The following TMEM63C variants were observed in gnomAD, a reference collection of about 807,000 sequenced individuals.
TMEM63C encodes the protein transmembrane protein 63C.
A neutral mutation model predicts 99.2 loss-of-function variants in TMEM63C; 32 were observed. That is an observed-to-expected ratio of 0.32 (90% CI 0.24 to 0.43). The LOEUF (loss-of-function observed/expected upper bound fraction) is 0.43, where lower values mean the gene tolerates loss of function less well. TMEM63C is among the 20% of genes least tolerant of loss of function. TMEM63C has a pLI of 1.00. For synonymous variants in TMEM63C, 376 were observed against 397.9 expected, an observed-to-expected ratio of 0.94 and a Z score of 0.66; for missense variants, 826 against 1,053.0, an observed-to-expected ratio of 0.78 and a Z score of 2.98.
intron 1 of TMEM63C, among the ~76,000 whole-genome samples, chr14:77,194,675 G>A (rs1555346158): frequency 6.6e-6 from 1 of 151,712 alleles, no homozygotes; most frequent in Non-Finnish European, 1.5e-5. Context: ...CTGGGTTTAA[G>A]TAATTCTCCC....
Position 77,245,921 on chromosome 14 carries a change from T to C in TMEM63C, c.1449-19T>C. On this transcript the variant is annotated intron_variant, in intron 16 of 23. Transcript: ENST00000298351. ...ATTAGGCCACGTCCATTGATGAATA[T>C]CTCTCTGTTTCCTTCTAGATCAAGT... is the stretch of plus-strand genomic sequence containing the variant. The C allele has an allele frequency of 2.5e-6, 4 of 1,597,238 alleles. No homozygotes were observed. The highest frequency in any genetic ancestry group is 3.4e-6 in the Non-Finnish European group (4 of 1,164,636).
At chr14:77,244,107 C>G (rs551397798) in intron 15 of TMEM63C, among the ~76,000 whole-genome samples, 5 of 152,208 alleles carry the variant, frequency 3.3e-5, no homozygotes, top group Admixed American at 2.6e-4. Flanking sequence ...GAGGAAGTCA[C>G]TCAAGAAAGC....
chr14:77,208,572 C>T (rs542382935), intron 1 of TMEM63C, among the ~76,000 whole-genome samples: 1 of 152,312 alleles, frequency 6.6e-6, no homozygotes, highest in South Asian at 2.1e-4. Context: ...AATCTGTATC[C>T]AGAACCCCAG....
chr14:77,225,989 C>T (rs1478527042), intron 6 of TMEM63C, among the ~76,000 whole-genome samples: 1 of 152,174 alleles, frequency 6.6e-6, no homozygotes, highest in Non-Finnish European at 1.5e-5. Flanking sequence ...CTGTTTTCTC[C>T]TGCAAGCTGA....
At position 77,244,404 on chromosome 14, in the gene TMEM63C, T is replaced by C. The variant is rs1310377188; in HGVS notation, c.1397T>C (p.Ile466Thr). 1 of 1,613,978 alleles carries C rather than the reference T, an allele frequency of 6.2e-7. No homozygotes were observed. Among genetic ancestry groups the C allele is most frequent in the Non-Finnish European group, 8.5e-7 (1 of 1,179,882 alleles). ...GTGATGCTCTGGGGCTTCACAGTGA[T>C]ACTGCCTCTGATTGTCTACTTCTCC... ...PSVMLWGFTV[I>T]LPLIVYFSAF... The change falls in exon 16 of 24, where the codon ATA becomes ACA. Residue 466 changes from isoleucine to threonine, a missense_variant. By Grantham distance (89) the Ile-to-Thr change is moderately conservative. Transcript: ENST00000298351.
At chr14:77,251,439 G>A (rs1309500832) in intron 21 of TMEM63C, among the ~76,000 whole-genome samples, 4 of 152,204 alleles carry the variant, frequency 2.6e-5, no homozygotes, top group Non-Finnish European at 1.5e-5. Context: ...GAAAGGTGTA[G>A]GTCAGAGATG....
chr14:77,211,061 G>A (rs1888488764), intron 1 of TMEM63C, among the ~76,000 whole-genome samples: 1 of 152,206 alleles, frequency 6.6e-6, no homozygotes, highest in Admixed American at 6.5e-5. Context: ...CAGGCGTAGT[G>A]GCTGCAGATC....
chr14:77,239,511 C>G lies in TMEM63C; in HGVS notation c.806+19C>G, dbSNP rs757294255. ...ATCAGAGGTGAGGCTGCAGCGGGGC[C>G]TTTTGGGGCCCGGGGTGGGGGTAAA... On this transcript the variant is annotated intron_variant, in intron 11 of 23. Coordinates refer to ENST00000298351, the MANE Select transcript of TMEM63C (RefSeq NM_020431.4). 3 of 1,612,804 alleles carry G rather than the reference C, an allele frequency of 1.9e-6. No homozygotes were observed. The African/African-American group carries it at 4.0e-5, about 22-fold the overall frequency.
intron 1 of TMEM63C, among the ~76,000 whole-genome samples, chr14:77,189,116 CT>C (rs56357136): frequency 3.6e-4 from 52 of 146,190 alleles, no homozygotes; most frequent in South Asian, 4.3e-4. Context: ...TTTTCTTTTT[CT>C]TTTTTTTTTT....
chr14:77,214,266 C>A (rs1420756426), intron 2 of TMEM63C, among the ~76,000 whole-genome samples: 1 of 152,136 alleles, frequency 6.6e-6, no homozygotes, highest in Non-Finnish European at 1.5e-5. Flanking sequence ...GTTGCCATTT[C>A]CACTTTACAG....
In TMEM63C at chr14:77,256,834, G is replaced by A. The variant is rs182139618; in HGVS notation, c.*108G>A. The A allele has an allele frequency of 1.3e-3, 1,420 of 1,064,490 alleles. 3 individuals are homozygous for A. Among genetic ancestry groups the A allele is most frequent in the Non-Finnish European group, 1.8e-3 (1,309 of 737,400 alleles). 65.9% of individuals were successfully genotyped at this position (1,064,490 alleles called of 1,614,324 possible). On this transcript the variant is annotated 3_prime_UTR_variant, in exon 24 of 24. Transcript: ENST00000298351. ...CTCCCCACTACCTCCTGCAGACTTT[G>A]AGAAGCCCACAGTGGAGACATCCAC...
At chr14:77,209,327 G>A (rs1004522877) in intron 1 of TMEM63C, among the ~76,000 whole-genome samples, 1 of 152,266 alleles carries the variant, frequency 6.6e-6, no homozygotes, top group South Asian at 2.1e-4. Flanking sequence ...GCCAATGTGC[G>A]CTATGTGGGG....
chr14:77,214,768 G>A (rs1027155414), intron 2 of TMEM63C, among the ~76,000 whole-genome samples: 2 of 151,538 alleles, frequency 1.3e-5, no homozygotes, highest in Non-Finnish European at 2.9e-5. Flanking sequence ...TCGCTCCCAC[G>A]GTCATGTCCT....
chr14:77,194,410 C>G (rs994963946), intron 1 of TMEM63C, among the ~76,000 whole-genome samples: 5 of 149,638 alleles, frequency 3.3e-5, no homozygotes, highest in African/African-American at 9.8e-5. Flanking sequence ...AAAAAATTCT[C>G]GAGGAAAATT....
At position 77,239,384 on chromosome 14, in the gene TMEM63C, G is replaced by A. The variant is rs201226070; in HGVS notation, c.726-28G>A. On this transcript the variant is annotated intron_variant, in intron 10 of 23. Coordinates refer to ENST00000298351, the MANE Select transcript of TMEM63C (RefSeq NM_020431.4). The stretch of plus-strand genomic sequence containing the variant: ...CAGCACATCCCCAACCCCACAGGCC[G>A]ACTCAGCACCCATGTTTGTGGCTGC... The A allele has an allele frequency of 1.7e-4, 273 of 1,612,250 alleles. No homozygotes were observed. In the African/African-American group the frequency reaches 3.1e-3, roughly 18 times the overall value.
intron 9 of TMEM63C, among the ~76,000 whole-genome samples, chr14:77,236,958 C>T (rs563506921): frequency 3.2e-5 from 4 of 123,374 alleles, no homozygotes; most frequent in Admixed American, 7.6e-5. Flanking sequence ...CCCTCCTCCA[C>T]GCTGCTCCAC....
intron 23 of TMEM63C, among the ~76,000 whole-genome samples, chr14:77,254,098 T>C (rs1057193034): frequency 5.3e-5 from 8 of 152,208 alleles, no homozygotes; most frequent in Non-Finnish European, 8.8e-5. Context: ...GCATTGAATC[T>C]GACCCCAGGA....
intron 6 of TMEM63C, among the ~76,000 whole-genome samples, chr14:77,230,546 C>T (rs532995546): frequency 6.6e-5 from 10 of 152,262 alleles, no homozygotes; most frequent in South Asian, 2.1e-4. Flanking sequence ...AGGAGGTGAG[C>T]GAGCATTACA....
intron 7 of TMEM63C, among the ~76,000 whole-genome samples, chr14:77,232,186 T>G (rs35602650): frequency 6.6e-6 from 1 of 152,206 alleles, no homozygotes; most frequent in Non-Finnish European, 1.5e-5. Context: ...CCTTGGCTTC[T>G]AAAACAGAAA....
Sources: gnomAD v4.1 joint callset for allele counts (sites outside exome capture counted in the v4.1 genomes callset) on GRCh38, gnomAD v4.1.1 for gene constraint, MANE v1.5 for transcripts, NCBI Gene and HGNC (gene_info 2026-07-23, HGNC 2026-07-21) for gene names.